The following PARVA variants were observed in gnomAD, a reference collection of about 807,000 sequenced individuals.
PARVA encodes the protein parvin alpha.
PARVA carries 25 observed loss-of-function variants against 52.6 expected under a neutral mutation model. The observed-to-expected ratio is 0.48, with a 90% CI of 0.35 to 0.66. PARVA has a LOEUF of 0.66. PARVA is among the 30% of genes least tolerant of loss of function. PARVA has a pLI of 0.01. For missense variants in PARVA, 373 were observed against 450.9 expected (o/e 0.83, Z 1.56); for synonymous variants, 185 against 179.1 (o/e 1.03, Z -0.26).
chr11:12,434,333 C>T (rs994574130), intron 1 of PARVA, among the ~76,000 whole-genome samples: 3 of 152,198 alleles, frequency 2.0e-5, no homozygotes, highest in Admixed American at 2.0e-4. Flanking sequence ...ATTCCCACTG[C>T]TTTGATGGCT....
At chr11:12,526,742 AT>A (rs1941707163) in intron 12 of PARVA, among the ~76,000 whole-genome samples, 1 of 152,106 alleles carries the variant, frequency 6.6e-6, no homozygotes, top group Admixed American at 6.6e-5. Flanking sequence ...CTAAGTATGC[AT>A]TCCTCAATAG....
intron 12 of PARVA, among the ~76,000 whole-genome samples, chr11:12,525,366 G>T (rs2135091488): frequency 6.6e-6 from 1 of 152,226 alleles, no homozygotes; most frequent in Admixed American, 6.5e-5. Context: ...ATGCCTGGAG[G>T]CCTATCATAG....
chr11:12,425,548 C>T (rs1216586434), intron 1 of PARVA, among the ~76,000 whole-genome samples: 1 of 152,162 alleles, frequency 6.6e-6, no homozygotes, highest in African/African-American at 2.4e-5. Flanking sequence ...TCCCAAAGTT[C>T]CTGTCTTTGT....
intron 1 of PARVA, among the ~76,000 whole-genome samples, chr11:12,457,858 G>C (rs970492969): frequency 6.6e-6 from 1 of 152,146 alleles, no homozygotes; most frequent in African/African-American, 2.4e-5. Flanking sequence ...TCCACAAAAG[G>C]GTCTGGCACT....
intron 1 of PARVA, among the ~76,000 whole-genome samples, chr11:12,429,757 C>T (rs1307209862): frequency 6.6e-6 from 1 of 152,096 alleles, no homozygotes; most frequent in Non-Finnish European, 1.5e-5. Context: ...TGTGAAAAAT[C>T]AGACCTTGGC....
chr11:12,395,109 G>C (rs150329099), intron 1 of PARVA, among the ~76,000 whole-genome samples: 1 of 144,656 alleles, frequency 6.9e-6, no homozygotes, highest in Non-Finnish European at 1.5e-5. Flanking sequence ...AAAAAAAAAA[G>C]AAAGAAGAGG....
chr11:12,395,661 G>T (rs1425313840), intron 1 of PARVA, among the ~76,000 whole-genome samples: 2 of 152,170 alleles, frequency 1.3e-5, no homozygotes, highest in Non-Finnish European at 2.9e-5. Context: ...ATCCATCAAA[G>T]ACTCGGCCTC....
chr11:12,532,908 C>A lies in PARVA; in HGVS notation c.*4983C>A, dbSNP rs993404899. Among the ~76,000 whole-genome samples, 4 of 152,238 alleles carry A rather than the reference C, an allele frequency of 2.6e-5. No individual in the cohort carries two copies. Among genetic ancestry groups the A allele is most frequent in the African/African-American group, 9.6e-5 (4 of 41,464 alleles). On this transcript the variant is annotated 3_prime_UTR_variant, in exon 13 of 13. Coordinates refer to ENST00000334956, the MANE Select transcript of PARVA (RefSeq NM_018222.5). The stretch of plus-strand genomic sequence containing the variant: ...TCTCCTTTGAAAAACAGGTTGCCAT[C>A]TACCTTTTTAAATGTCCCACTGTGT...
rs968522144 is a variant in PARVA, at chr11:12,531,765, C to T, written c.*3840C>T. Among the ~76,000 whole-genome samples, 1 of 151,956 alleles carries T rather than the reference C, an allele frequency of 6.6e-6. No individual in the cohort carries two copies. The highest frequency in any genetic ancestry group is 2.1e-4 in the South Asian group (1 of 4,788). On this transcript the variant is annotated 3_prime_UTR_variant, in exon 13 of 13. Transcript: ENST00000334956. ...TCATTTCCCCCAAAAATTTGCTTAA[C>T]TCTATTGGAAAATCCAAGAGAATTG... is the stretch of plus-strand genomic sequence containing the variant.
chr11:12,395,324 C>T (rs1939725649), intron 1 of PARVA, among the ~76,000 whole-genome samples: 1 of 152,176 alleles, frequency 6.6e-6, no homozygotes, highest in African/African-American at 2.4e-5. Flanking sequence ...ACTAAGAGCA[C>T]CGAATGTGTT....
chr11:12,534,132 C>T lies in PARVA; in HGVS notation c.*6207C>T, dbSNP rs768027719. ...GCAATGAGCTGAGATCGCATCACTGCACTCAAGCCTGGGCAACAGAGCAAG... is the reference window on the plus strand; with the variant it reads ...GCAATGAGCTGAGATCGCATCACTGTACTCAAGCCTGGGCAACAGAGCAAG... On this transcript the variant is annotated 3_prime_UTR_variant, in exon 13 of 13. Coordinates refer to ENST00000334956, the MANE Select transcript of PARVA (RefSeq NM_018222.5). 6.6e-6 allele frequency among the ~76,000 whole-genome samples: 1 copy of T among 152,154 alleles called. No individual in the cohort carries two copies. Among genetic ancestry groups the T allele is most frequent in the Non-Finnish European group, 1.5e-5 (1 of 68,032 alleles).
rs146463315 is a variant in PARVA, at chr11:12,483,204, C to T, written c.400+5255C>T. Among the ~76,000 whole-genome samples, 17 of 152,336 alleles carry T rather than the reference C, an allele frequency of 1.1e-4. No individual in the cohort carries two copies. The East Asian group carries it at 2.9e-3, about 26-fold the overall frequency. ...TCTCCCTAGTCCTTTCTTAGCTGCC[C>T]AACCCAGCTGCCCCATTGCTGCCTG... On this transcript the variant is annotated intron_variant, in intron 4 of 12. Transcript: ENST00000334956.
In PARVA at chr11:12,493,586, TCTC is replaced by T. The variant is rs1386595037; in HGVS notation, c.401-2869_401-2867del. Among the ~76,000 whole-genome samples the T allele has an allele frequency of 2.0e-5, 3 of 148,634 alleles. No individual in the cohort carries two copies. The East Asian group carries it at 6.0e-4, about 30-fold the overall frequency. ...CACAAAACAAAGCCACAAAAATGCTTCTCCTAAATAAGAAATACCAGACGCTAA... is the reference window on the plus strand; with the variant it reads ...CACAAAACAAAGCCACAAAAATGCTTCTAAATAAGAAATACCAGACGCTAA... On this transcript the variant is annotated intron_variant, in intron 4 of 12. Transcript: ENST00000334956.
intron 7 of PARVA, among the ~76,000 whole-genome samples, chr11:12,510,694 A>G (rs1182718555): frequency 3.3e-5 from 5 of 152,210 alleles, no homozygotes; most frequent in Admixed American, 3.3e-4. Flanking sequence ...GGAAGAAGCA[A>G]AAGAGGAAAT....
Position 12,534,500 on chromosome 11 carries a change from G to A in PARVA, c.*6575G>A, listed in dbSNP as rs538287887. Among the ~76,000 whole-genome samples, 2 of 152,320 alleles carry A rather than the reference G, an allele frequency of 1.3e-5. No individual in the cohort carries two copies. The highest frequency in any genetic ancestry group is 4.8e-5 in the African/African-American group (2 of 41,560). On this transcript the variant is annotated 3_prime_UTR_variant, in exon 13 of 13. Transcript: ENST00000334956. ...AAGGGCACTTGGGAAATTCAGAGAA[G>A]TACCCATTATTAAGATAAATGATGT... is the stretch of plus-strand genomic sequence containing the variant.
chr11:12,416,133 T>C (rs1307201764), intron 1 of PARVA, among the ~76,000 whole-genome samples: 1 of 152,218 alleles, frequency 6.6e-6, no homozygotes, highest in African/African-American at 2.4e-5. Context: ...ACTGATGGAC[T>C]AGCACAGTTT....
intron 3 of PARVA, among the ~76,000 whole-genome samples, chr11:12,477,425 G>A (rs1250534961): frequency 2.0e-5 from 3 of 152,166 alleles, no homozygotes; most frequent in Non-Finnish European, 4.4e-5. Context: ...TACACTGTGA[G>A]TGTTGCTTGC....
intron 1 of PARVA, among the ~76,000 whole-genome samples, chr11:12,404,607 T>A (rs924874638): frequency 3.3e-5 from 5 of 152,230 alleles, no homozygotes; most frequent in Admixed American, 3.3e-4. Context: ...GCCAGGGCCA[T>A]GTGCCAATAA....
intron 4 of PARVA, among the ~76,000 whole-genome samples, chr11:12,482,352 T>C (rs1014972391): frequency 6.6e-6 from 1 of 151,266 alleles, no homozygotes; most frequent in African/African-American, 2.4e-5. Flanking sequence ...GCTGGCCGGG[T>C]GTGGTGGCTC....
Sources: gnomAD v4.1 joint callset for allele counts (sites outside exome capture counted in the v4.1 genomes callset) on GRCh38, gnomAD v4.1.1 for gene constraint, MANE v1.5 for transcripts, NCBI Gene and HGNC (gene_info 2026-07-23, HGNC 2026-07-21) for gene names.